Variants in BBS9 observed in about 807,000 individuals in gnomAD.
BBS9 encodes the protein protein PTHB1.
BBS9 carries 89 observed loss-of-function variants against 117.7 expected under a neutral mutation model. The observed-to-expected ratio is 0.76, with a 90% CI of 0.64 to 0.90. The LOEUF (loss-of-function observed/expected upper bound fraction) is 0.90, where lower values mean the gene tolerates loss of function less well. Among genes scored for constraint, BBS9 ranks in the 40% least tolerant of loss-of-function variants. The pLI, the probability that BBS9 is intolerant of heterozygous loss-of-function variation, is 0.00. For missense variants in BBS9, 982 were observed against 1,042.2 expected, an observed-to-expected ratio of 0.94 and a Z score of 0.80; for synonymous variants, 379 against 370.9, an observed-to-expected ratio of 1.02 and a Z score of -0.25.
chr7:33,275,120 A>G (rs1053321684), intron 9 of BBS9, among the ~76,000 whole-genome samples: 5 of 152,042 alleles, frequency 3.3e-5, no homozygotes, highest in Admixed American at 1.3e-4. Context: ...AAGCTCAACG[A>G]AGGGTATTCA....
At chr7:33,488,807 C>T (rs1029900122) in intron 19 of BBS9, among the ~76,000 whole-genome samples, 1 of 152,028 alleles carries the variant, frequency 6.6e-6, no homozygotes. Flanking sequence ...AACTTATCTC[C>T]TCTCAGTCTC....
At chr7:33,417,583 C>G (rs576721732) in intron 19 of BBS9, among the ~76,000 whole-genome samples, 1 of 152,172 alleles carries the variant, frequency 6.6e-6, no homozygotes, top group Admixed American at 6.5e-5. Context: ...AAGAAGGATT[C>G]TTAGGTTTAT....
At chr7:33,202,906 A>G (rs1380088190) in intron 5 of BBS9, among the ~76,000 whole-genome samples, 1 of 152,222 alleles carries the variant, frequency 6.6e-6, no homozygotes, top group Non-Finnish European at 1.5e-5. Flanking sequence ...TAATGTCTAT[A>G]AAGTACTCAG....
chr7:33,441,702 T>C (rs79851244), intron 19 of BBS9, among the ~76,000 whole-genome samples: 10,328 of 152,230 alleles, frequency 0.068, 402 homozygotes, highest in African/African-American at 0.081. Context: ...AACTAATGTA[T>C]GCTTTCATGA....
At chr7:33,175,357 G>A (rs1797194352) in intron 4 of BBS9, among the ~76,000 whole-genome samples, 1 of 151,880 alleles carries the variant, frequency 6.6e-6, no homozygotes, top group Admixed American at 6.6e-5. Context: ...CCATTTGTGG[G>A]GACCATGGAA....
chr7:33,194,852 A>G (rs968881126), intron 5 of BBS9, among the ~76,000 whole-genome samples: 5 of 152,160 alleles, frequency 3.3e-5, no homozygotes, highest in African/African-American at 4.8e-5. Context: ...AGAGAAGACT[A>G]TGTGGAGAGA....
intron 21 of BBS9, among the ~76,000 whole-genome samples, chr7:33,590,459 G>GTTTT (rs71554107): frequency 9.9e-5 from 10 of 101,504 alleles, no homozygotes; most frequent in Non-Finnish European, 1.6e-4. Context: ...TTGTTTTTTT[G>GTTTT]TTTTTTTTTT....
intron 21 of BBS9, among the ~76,000 whole-genome samples, chr7:33,561,592 T>C (rs1856094160): frequency 6.6e-6 from 1 of 152,086 alleles, no homozygotes; most frequent in African/African-American, 2.4e-5. Context: ...AAAATAAAAA[T>C]ATGCCGTGCA....
chr7:33,405,487 G>A (rs1345466919), intron 19 of BBS9, among the ~76,000 whole-genome samples: 1 of 152,114 alleles, frequency 6.6e-6, no homozygotes, highest in African/African-American at 2.4e-5. Flanking sequence ...ACTCTTTTTG[G>A]TTGGTAAGCT....
rs1389230925 is a variant in BBS9, at chr7:33,366,188, G to C, written c.1694-1579G>C. ...GGGTTCCCTGGTGGAAATGGCTATT[G>C]GTTACCTCAGTGGCAAAAGATGCTG... On this transcript the variant is annotated intron_variant, in intron 16 of 22. Coordinates refer to ENST00000242067, the MANE Select transcript of BBS9 (RefSeq NM_198428.3). Among the ~76,000 whole-genome samples, 8 of 152,268 alleles carry C rather than the reference G, an allele frequency of 5.3e-5. No homozygotes were observed. In the East Asian group the frequency reaches 9.6e-4, roughly 18 times the overall value.
At chr7:33,619,670 CAATGCTATGAAACTATAATAACAGGA>C (rs1554279014) in intron 21 of BBS9, among the ~76,000 whole-genome samples, 2 of 152,088 alleles carry the variant, frequency 1.3e-5, no homozygotes, top group Non-Finnish European at 2.9e-5. Flanking sequence ...TCTTTTACCT[CAATGCTATGAAACTATAATAACAGGA>C]AAATTGGAAA....
At chr7:33,542,729 G>GTATATATATACACGTA (rs1852548222) in intron 21 of BBS9, among the ~76,000 whole-genome samples, 1 of 146,864 alleles carries the variant, frequency 6.8e-6, no homozygotes, top group Admixed American at 6.7e-5. Context: ...GTGTGTGTGT[G>GTATATATATACACGTA]TGTATATGTG....
At chr7:33,509,551 C>T (rs1028349949) in intron 20 of BBS9, among the ~76,000 whole-genome samples, 1 of 152,136 alleles carries the variant, frequency 6.6e-6, no homozygotes, top group Non-Finnish European at 1.5e-5. Flanking sequence ...TGGCAGAGTA[C>T]ATGTGTGAGA....
chr7:33,399,166 G>A (rs1828510690), intron 19 of BBS9, among the ~76,000 whole-genome samples: 1 of 152,120 alleles, frequency 6.6e-6, no homozygotes, highest in Non-Finnish European at 1.5e-5. Flanking sequence ...GCCGTACCAG[G>A]CATAGAGAAT....
At chr7:33,254,369 T>C (rs1204163504) in intron 5 of BBS9, among the ~76,000 whole-genome samples, 1 of 152,200 alleles carries the variant, frequency 6.6e-6, no homozygotes, top group Non-Finnish European at 1.5e-5. Context: ...TTTTTCAGCA[T>C]TATTGAGATA....
At chr7:33,523,298 G>A (rs1253660414) in intron 20 of BBS9, among the ~76,000 whole-genome samples, 3 of 141,702 alleles carry the variant, frequency 2.1e-5, no homozygotes, top group African/African-American at 8.3e-5. Context: ...GTCATTGGTA[G>A]CTTGATGGGG....
At chr7:33,197,425 A>G (rs1181781078) in intron 5 of BBS9, among the ~76,000 whole-genome samples, 4 of 152,096 alleles carry the variant, frequency 2.6e-5, no homozygotes, top group Admixed American at 2.6e-4. Context: ...ATGAGAAATG[A>G]ACAATCTGCC....
At chr7:33,320,317 C>T (rs1175782369) in intron 9 of BBS9, among the ~76,000 whole-genome samples, 1 of 152,042 alleles carries the variant, frequency 6.6e-6, no homozygotes. Flanking sequence ...TTTTTAGCAC[C>T]CACAAATAAG....
At chr7:33,591,182 T>A (rs1265403912) in intron 21 of BBS9, among the ~76,000 whole-genome samples, 1 of 152,056 alleles carries the variant, frequency 6.6e-6, no homozygotes, top group African/African-American at 2.4e-5. Flanking sequence ...TTCCTCAAGT[T>A]TCATGAATTC....
Sources: gnomAD v4.1 joint callset for allele counts (sites outside exome capture counted in the v4.1 genomes callset) on GRCh38, gnomAD v4.1.1 for gene constraint, MANE v1.5 for transcripts, NCBI Gene and HGNC (gene_info 2026-07-23, HGNC 2026-07-21) for gene names.